NRL: variants seen among roughly 807,000 people sequenced by gnomAD.
NRL encodes the protein neural retina-specific leucine zipper protein.
NRL carries 16 observed loss-of-function variants against 12.5 expected under a neutral mutation model. That is an observed-to-expected ratio of 1.28 (90% CI 0.87 to 1.95). NRL has a LOEUF of 1.95. NRL is among the 30% of genes most tolerant of loss of function. The pLI, the probability that NRL is intolerant of heterozygous loss-of-function variation, is 0.00. For missense variants in NRL, 314 were observed against 325.8 expected, an observed-to-expected ratio of 0.96 and a Z score of 0.28; for synonymous variants, 142 against 150.9, an observed-to-expected ratio of 0.94 and a Z score of 0.43.
At chr14:24,103,258 G>T (rs1056203767) in intron 1 of NRL, 2 of 1,609,544 alleles carry the variant, frequency 1.2e-6, no homozygotes, top group South Asian at 1.1e-5. Flanking sequence ...ACACAAAGGT[G>T]AGCACCCTCA....
At chr14:24,102,770 G>A (rs1374444100) in intron 1 of NRL, 3 of 1,613,818 alleles carry the variant, frequency 1.9e-6, no homozygotes, top group Non-Finnish European at 2.5e-6. Context: ...GGAGCCCTGT[G>A]CACATCCCAA....
intron 1 of NRL, chr14:24,099,803 G>A (rs1419874480): frequency 3.3e-6 from 5 of 1,510,860 alleles, no homozygotes; most frequent in Non-Finnish European, 4.6e-6. Flanking sequence ...CAATGACTTT[G>A]TCAGTGAGAA....
chr14:24,095,281 T>A (rs2036818223), intron 1 of NRL: 2 of 452,710 alleles, frequency 4.4e-6, no homozygotes, highest in Non-Finnish European at 8.9e-6. Context: ...AGAGATAACG[T>A]GAGCCAGGCT....
At chr14:24,104,508 G>A (rs149166240) in intron 1 of NRL, among the ~76,000 whole-genome samples, 5,894 of 151,438 alleles carry the variant, frequency 0.039, 229 homozygotes, top group East Asian at 0.2. Flanking sequence ...GAGTGGTGGC[G>A]GGCGCCTGTA....
At chr14:24,102,816 T>C (rs1192780288) in intron 1 of NRL, 19 of 1,613,804 alleles carry the variant, frequency 1.2e-5, no homozygotes, top group Non-Finnish European at 1.5e-5. Flanking sequence ...CAGTGCCCCA[T>C]CATGGACCCA....
chr14:24,091,118 CCTGTGTGTGTGTGT>C (rs2036616808), intron 1 of NRL, among the ~76,000 whole-genome samples: 1 of 119,768 alleles, frequency 8.3e-6, no homozygotes, highest in African/African-American at 3.2e-5. Flanking sequence ...ACAGAAAAGG[CCTGTGTGTGTGTGT>C]GTGTGTGTGT....
At position 24,097,094 on chromosome 14, in the gene NRL, G is replaced by C. The variant is rs768931197; in HGVS notation, c.-27-14219C>G. 6 of 1,612,540 alleles carry C rather than the reference G, an allele frequency of 3.7e-6. No individual in the cohort carries two copies. The Admixed American group carries it at 5.0e-5, about 13-fold the overall frequency. ...GAATACTGCCACACTGACCCTGCTGGAGCAGCAGGGCCTCATCCGAAAGCT... is the reference window on the plus strand; with the variant it reads ...GAATACTGCCACACTGACCCTGCTGCAGCAGCAGGGCCTCATCCGAAAGCT... On this transcript the variant is annotated intron_variant, in intron 1 of 2. Coordinates refer to ENST00000561028, the MANE Select transcript of NRL (RefSeq NM_001354768.3).
In NRL at chr14:24,094,343, G is replaced by C. The variant is rs1392768647; in HGVS notation, c.-27-11468C>G. The C allele has an allele frequency of 1.6e-5, 24 of 1,467,696 alleles. No individual in the cohort carries two copies. The Admixed American group carries it at 4.6e-4, about 28-fold the overall frequency. The allele number at this position is 1,467,696 out of a possible 1,614,324, so 90.9% of individuals were successfully genotyped here. The stretch of plus-strand genomic sequence containing the variant: ...GCTTCGCCGCGCTCCCTCCTTCCCC[G>C]CCTTCCATACCTCCCCGGCTCCGCT... On this transcript the variant is annotated intron_variant, in intron 1 of 2. Coordinates refer to ENST00000561028, the MANE Select transcript of NRL (RefSeq NM_001354768.3). This position sits in a 1 kb window ranked among gnomAD's most constrained non-coding sequence, Gnocchi z 4.1.
At chr14:24,083,419 A>G (rs1455865697) in intron 1 of NRL, among the ~76,000 whole-genome samples, 1 of 152,204 alleles carries the variant, frequency 6.6e-6, no homozygotes, top group Non-Finnish European at 1.5e-5. Context: ...CATTTGTTCT[A>G]TGGATTAATC....
chr14:24,111,466 C>T (rs904407219), intron 1 of NRL, among the ~76,000 whole-genome samples: 10 of 151,870 alleles, frequency 6.6e-5, no homozygotes, highest in East Asian at 3.9e-4. Context: ...CTCCACCTCC[C>T]GGGTTCAAGC....
At chr14:24,099,554 A>G (rs2037065401) in intron 1 of NRL, 1 of 1,582,170 alleles carries the variant, frequency 6.3e-7, no homozygotes, top group Non-Finnish European at 8.6e-7. Context: ...TCCCCAATGC[A>G]CAGATCCTGG....
chr14:24,106,195 A>G (rs2037336730), intron 1 of NRL, among the ~76,000 whole-genome samples: 1 of 152,238 alleles, frequency 6.6e-6, no homozygotes, highest in East Asian at 1.9e-4. Flanking sequence ...CTTCTGTGCA[A>G]TCTGGATCAG....
intron 1 of NRL, among the ~76,000 whole-genome samples, chr14:24,090,363 A>G (rs1014881405): frequency 6.6e-6 from 1 of 150,980 alleles, no homozygotes; most frequent in African/African-American, 2.4e-5. Context: ...TAATCAGCTG[A>G]GCCTAAAGAG....
chr14:24,104,706 C>T lies in NRL; in HGVS notation c.-28+10016G>A, dbSNP rs531323574. ...GAGGGCCTCAGCAAGCTGCTCAGTA[C>T]AGCCCCCAAGCCTAAAATTCCTGAT... On this transcript the variant is annotated intron_variant, in intron 1 of 2. Coordinates refer to ENST00000561028, the MANE Select transcript of NRL (RefSeq NM_001354768.3). Among the ~76,000 whole-genome samples the T allele has an allele frequency of 1.4e-3, 211 of 151,678 alleles. 1 individual carries two copies. The highest frequency in any genetic ancestry group is 4.9e-3 in the African/African-American group (201 of 41,298).
At chr14:24,089,420 A>AT (rs1303667286) in intron 1 of NRL, among the ~76,000 whole-genome samples, 2 of 150,970 alleles carry the variant, frequency 1.3e-5, no homozygotes, top group African/African-American at 4.9e-5. Context: ...CTACTTTTTT[A>AT]TTTTTTGTAG....
At chr14:24,084,689 G>A in intron 1 of NRL, 1 of 985,494 alleles carries the variant, frequency 1.0e-6, no homozygotes, top group Non-Finnish European at 1.2e-6. Flanking sequence ...GAGGTCATCT[G>A]TGGTCCTGAG....
chr14:24,079,888 C>A lies in NRL; in HGVS notation c.*1348G>T, dbSNP rs2036227582. On this transcript the variant is annotated 3_prime_UTR_variant, in exon 3 of 3. Transcript: ENST00000561028. ...CCTGGATAGCCACTGACAGGCCGAG[C>A]TGGGCCACTGAGGCTTCTGAGTTTG... is the stretch of plus-strand genomic sequence containing the variant. Among the ~76,000 whole-genome samples, 2 of 152,272 alleles carry A rather than the reference C, an allele frequency of 1.3e-5. No homozygotes were observed. Among genetic ancestry groups the A allele is most frequent in the Middle Eastern group, 6.8e-3 (2 of 294 alleles).
intron 1 of NRL, chr14:24,099,295 C>T: frequency 6.7e-7 from 1 of 1,491,364 alleles, no homozygotes; most frequent in East Asian, 2.3e-5. Flanking sequence ...TGGGGCCTGG[C>T]CAGTCTGCCT....
chr14:24,094,475 T>A lies in NRL; in HGVS notation c.-27-11600A>T. 6.7e-7 allele frequency: 1 copy of A among 1,498,070 alleles called. No individual in the cohort carries two copies. Among genetic ancestry groups the A allele is most frequent in the South Asian group, 1.3e-5 (1 of 78,530 alleles). 92.8% of individuals were successfully genotyped at this position (1,498,070 alleles called of 1,614,324 possible). ...CCCGGGGCCCACCCGCACCTTCCGCTGCGCTCGCCCCCTCGGGGCTGCCAG... is the reference window on the plus strand; with the variant it reads ...CCCGGGGCCCACCCGCACCTTCCGCAGCGCTCGCCCCCTCGGGGCTGCCAG... On this transcript the variant is annotated intron_variant, in intron 1 of 2. Coordinates refer to ENST00000561028, the MANE Select transcript of NRL (RefSeq NM_001354768.3). The surrounding 1 kb of genome is among the most constrained non-coding windows in gnomAD (Gnocchi z 4.1).
Sources: gnomAD v4.1 joint callset for allele counts (sites outside exome capture counted in the v4.1 genomes callset) on GRCh38, gnomAD v4.1.1 for gene constraint, Gnocchi (gnomAD v3.1) non-coding constraint, MANE v1.5 for transcripts, NCBI Gene and HGNC (gene_info 2026-07-23, HGNC 2026-07-21) for gene names.